Variants in GPC5 observed in about 807,000 individuals in gnomAD.
The protein encoded by GPC5 is glypican-5.
A neutral mutation model predicts 53.9 loss-of-function variants in GPC5; 47 were observed. The ratio of observed to expected loss-of-function variants is 0.87; its 90% confidence interval spans 0.69 to 1.11. GPC5 has a LOEUF of 1.11. Among genes scored for constraint, GPC5 ranks in the 50% most tolerant of loss-of-function variants. The pLI is 0.00. For missense variants in GPC5, 748 were observed against 713.1 expected, an observed-to-expected ratio of 1.05 and a Z score of -0.56; for synonymous variants, 286 against 263.3, an observed-to-expected ratio of 1.09 and a Z score of -0.84.
At chr13:91,746,759 T>G (rs2037059192) in intron 4 of GPC5, among the ~76,000 whole-genome samples, 1 of 152,228 alleles carries the variant, frequency 6.6e-6, no homozygotes, top group African/African-American at 2.4e-5. Flanking sequence ...AATGAAATAT[T>G]TTCATAGACT....
At chr13:92,362,545 T>C (rs951706128) in intron 7 of GPC5, among the ~76,000 whole-genome samples, 4 of 151,724 alleles carry the variant, frequency 2.6e-5, no homozygotes, top group Non-Finnish European at 4.4e-5. Flanking sequence ...CCTGTCTCAG[T>C]TATAAGTGAG....
At chr13:92,513,608 G>C (rs1056615323) in intron 7 of GPC5, among the ~76,000 whole-genome samples, 1 of 149,824 alleles carries the variant, frequency 6.7e-6, no homozygotes, top group Non-Finnish European at 1.5e-5. Context: ...TTCAGGCTAA[G>C]AGAATTTCAA....
At chr13:92,339,181 T>C (rs2043346330) in intron 7 of GPC5, among the ~76,000 whole-genome samples, 1 of 147,516 alleles carries the variant, frequency 6.8e-6, no homozygotes, top group African/African-American at 2.4e-5. Flanking sequence ...GTATTTATAT[T>C]ATATATTATA....
rs113922995 is a variant in GPC5 at position 92,140,422 on chromosome 13, G to A, written c.1402-4408G>A. On this transcript the variant is annotated intron_variant, in intron 6 of 7. Transcript: ENST00000377067. ...AGTGGATGTTCAGTGAGGGAAGAGGGGTAATTTTCTTAGGTACATTTAGAA... is the reference window on the plus strand; with the variant it reads ...AGTGGATGTTCAGTGAGGGAAGAGGAGTAATTTTCTTAGGTACATTTAGAA... 2.9e-3 allele frequency among the ~76,000 whole-genome samples: 435 copies of A among 152,202 alleles called. 1 individual carries two copies. The highest frequency in any genetic ancestry group is 4.7e-3 in the Non-Finnish European group (318 of 68,008).
At chr13:91,819,532 G>A (rs1325784953) in intron 5 of GPC5, among the ~76,000 whole-genome samples, 3 of 151,970 alleles carry the variant, frequency 2.0e-5, no homozygotes, top group Non-Finnish European at 2.9e-5. Flanking sequence ...TTTTGTTTCT[G>A]GCATCTACTG....
At chr13:92,695,698 TGA>T (rs1404459203) in intron 7 of GPC5, among the ~76,000 whole-genome samples, 1 of 151,228 alleles carries the variant, frequency 6.6e-6, no homozygotes, top group Non-Finnish European at 1.5e-5. Context: ...AAAAATTTTA[TGA>T]GTTTTTTTTT....
intron 7 of GPC5, among the ~76,000 whole-genome samples, chr13:92,559,659 A>C (rs1438253836): frequency 6.6e-6 from 1 of 151,606 alleles, no homozygotes; most frequent in Admixed American, 6.6e-5. Flanking sequence ...AACATTATTC[A>C]AACTAGCTAG....
At position 91,448,808 on chromosome 13, in the gene GPC5, A is replaced by G; in HGVS notation, c.211A>G (p.Arg71Gly). The change falls in exon 2 of 8, where the codon AGG becomes GGG. Residue 71 changes from arginine to glycine, a missense_variant. Physicochemically the swap from Arg to Gly is moderately radical, Grantham distance 125. Transcript: ENST00000377067. ...ATCCAAAAAGCCTACATGTTGCACC[A>G]GGAAGATGGAGGAGAGATATCAGAT... ...CISKKPTCCT[R>G]KMEERYQIAA... The G allele has an allele frequency of 1.9e-6, 3 of 1,613,770 alleles. No individual in the cohort carries two copies. Among genetic ancestry groups the G allele is most frequent in the Non-Finnish European group, 2.5e-6 (3 of 1,179,784 alleles).
intron 6 of GPC5, among the ~76,000 whole-genome samples, chr13:92,122,966 C>T (rs1277851556): frequency 2.0e-5 from 3 of 152,014 alleles, no homozygotes; most frequent in Non-Finnish European, 4.4e-5. Flanking sequence ...TATGTATGTT[C>T]CAATCACATT....
intron 7 of GPC5, among the ~76,000 whole-genome samples, chr13:92,237,302 C>T (rs916133276): frequency 2.0e-5 from 3 of 152,078 alleles, no homozygotes; most frequent in Non-Finnish European, 2.9e-5. Context: ...TCACTGCAAC[C>T]TCCGCCTCCC....
intron 7 of GPC5, among the ~76,000 whole-genome samples, chr13:92,318,098 GA>G (rs2043191998): frequency 6.6e-6 from 1 of 152,110 alleles, no homozygotes; most frequent in African/African-American, 2.4e-5. Context: ...TTGAAAATTA[GA>G]TTTATTTTGT....
At chr13:92,777,454 A>T (rs971210414) in intron 7 of GPC5, among the ~76,000 whole-genome samples, 3 of 151,924 alleles carry the variant, frequency 2.0e-5, no homozygotes, top group Non-Finnish European at 4.4e-5. Flanking sequence ...CCATCATGGT[A>T]AAACCCTGTC....
intron 2 of GPC5, among the ~76,000 whole-genome samples, chr13:91,663,799 T>A (rs952416331): frequency 3.9e-5 from 6 of 152,184 alleles, no homozygotes; most frequent in Non-Finnish European, 5.9e-5. Flanking sequence ...CCATTAAATT[T>A]GTTGATGCCA....
chr13:92,514,785 A>G (rs1880707323), intron 7 of GPC5, among the ~76,000 whole-genome samples: 1 of 152,198 alleles, frequency 6.6e-6, no homozygotes, highest in Non-Finnish European at 1.5e-5. Flanking sequence ...AGTGAGTCAG[A>G]CAAATAACCC....
At chr13:92,500,550 C>T (rs1221983080) in intron 7 of GPC5, among the ~76,000 whole-genome samples, 1 of 152,198 alleles carries the variant, frequency 6.6e-6, no homozygotes, top group Non-Finnish European at 1.5e-5. Flanking sequence ...GAGGATTAGG[C>T]TGCCTTCAGC....
chr13:91,408,907 G>A (rs1594047697), intron 1 of GPC5, among the ~76,000 whole-genome samples: 3 of 152,192 alleles, frequency 2.0e-5, no homozygotes, highest in East Asian at 3.9e-4. Context: ...TCTAGTTCAT[G>A]ATTTCTTCAA....
intron 7 of GPC5, among the ~76,000 whole-genome samples, chr13:92,305,788 A>G (rs1361431473): frequency 1.3e-5 from 2 of 152,214 alleles, no homozygotes; most frequent in Non-Finnish European, 2.9e-5. Context: ...CCAAGCCTTT[A>G]GACTACAAAG....
intron 7 of GPC5, among the ~76,000 whole-genome samples, chr13:92,333,117 T>C (rs1009958251): frequency 6.6e-6 from 1 of 152,044 alleles, no homozygotes; most frequent in Non-Finnish European, 1.5e-5. Context: ...AGTTGATAAA[T>C]TGGTGGGGGC....
At chr13:92,337,736 A>G (rs1178543852) in intron 7 of GPC5, among the ~76,000 whole-genome samples, 2 of 152,198 alleles carry the variant, frequency 1.3e-5, no homozygotes, top group Admixed American at 1.3e-4. Flanking sequence ...TGATGCTGGA[A>G]CGACTGGATT....
Sources: gnomAD v4.1 joint callset for allele counts (sites outside exome capture counted in the v4.1 genomes callset) on GRCh38, gnomAD v4.1.1 for gene constraint, MANE v1.5 for transcripts, NCBI Gene and HGNC (gene_info 2026-07-23, HGNC 2026-07-21) for gene names.